MALRD1: variants seen among roughly 807,000 people sequenced by gnomAD.
The protein encoded by MALRD1 is MAM and LDL-receptor class A domain-containing protein 1.
Under a neutral mutation model 242.1 loss-of-function variants are expected in MALRD1, and 247 were observed. The ratio of observed to expected loss-of-function variants is 1.02; its 90% CI spans 0.92 to 1.13. The LOEUF (loss-of-function observed/expected upper bound fraction) is 1.13. Among genes scored for constraint, MALRD1 ranks in the 50% most tolerant of loss-of-function variants. The probability of loss-of-function intolerance (pLI) is 0.00; values close to 1 mark genes in which losing one functional copy is unlikely to be tolerated. For missense variants in MALRD1, 2,989 were observed against 2,533.1 expected, an observed-to-expected ratio of 1.18 and a Z score of -3.86; for synonymous variants, 995 against 866.6, an observed-to-expected ratio of 1.15 and a Z score of -2.60.
chr10:19,727,161 T>C (rs1225761484), intron 38 of MALRD1, among the ~76,000 whole-genome samples: 2 of 152,216 alleles, frequency 1.3e-5, no homozygotes, highest in Admixed American at 1.3e-4. Flanking sequence ...CATTGAATTG[T>C]GTACTTTAAG....
At chr10:19,597,797 C>G (rs141430215) in intron 34 of MALRD1, among the ~76,000 whole-genome samples, 1 of 152,148 alleles carries the variant, frequency 6.6e-6, no homozygotes, top group African/African-American at 2.4e-5. Flanking sequence ...AGGGAACTCT[C>G]TATGGTGCTA....
rs115695097 is a variant in MALRD1, at chr10:19,641,798, A to C, written c.6137+25875A>C. The stretch of plus-strand genomic sequence containing the variant: ...ATTTAATTACAAGTGTATTTTACAA[A>C]ATATTTCCCAGTCACTAGACATGGC... On this transcript the variant is annotated intron_variant, in intron 36 of 39. Coordinates refer to ENST00000454679, the MANE Select transcript of MALRD1 (RefSeq NM_001142308.3). Among the ~76,000 whole-genome samples, 1,429 of 152,264 alleles carry C rather than the reference A, an allele frequency of 9.4e-3. 19 individuals are homozygous for C. Among genetic ancestry groups the C allele is most frequent in the African/African-American group, 0.032 (1,342 of 41,564 alleles).
At chr10:19,414,237 C>T (rs1054127824) in intron 28 of MALRD1, among the ~76,000 whole-genome samples, 1 of 152,032 alleles carries the variant, frequency 6.6e-6, no homozygotes, top group African/African-American at 2.4e-5. Flanking sequence ...ATGGAACACA[C>T]TAGAGGGGGG....
intron 1 of MALRD1, among the ~76,000 whole-genome samples, chr10:19,062,698 A>T (rs1462625120): frequency 6.6e-6 from 1 of 152,212 alleles, no homozygotes; most frequent in African/African-American, 2.4e-5. Context: ...TCATAGAGAC[A>T]GAAGGTAGAA....
chr10:19,405,894 G>A (rs1021788839), intron 28 of MALRD1, among the ~76,000 whole-genome samples: 1 of 151,604 alleles, frequency 6.6e-6, no homozygotes, highest in Admixed American at 6.6e-5. Flanking sequence ...GATGAAGACC[G>A]TTTGACCTAT....
intron 29 of MALRD1, among the ~76,000 whole-genome samples, chr10:19,489,709 A>G (rs1286905957): frequency 6.6e-6 from 1 of 152,146 alleles, no homozygotes; most frequent in Non-Finnish European, 1.5e-5. Context: ...TAGTTTTTAT[A>G]TCCTATAATA....
At chr10:19,499,297 A>G (rs1468652609) in intron 31 of MALRD1, among the ~76,000 whole-genome samples, 12 of 152,138 alleles carry the variant, frequency 7.9e-5, no homozygotes, top group Admixed American at 7.9e-4. Flanking sequence ...ATTAGGGATA[A>G]AAAAATATCT....
chr10:19,363,917 C>A (rs1200731442), intron 26 of MALRD1, among the ~76,000 whole-genome samples: 5 of 151,940 alleles, frequency 3.3e-5, no homozygotes, highest in Non-Finnish European at 7.4e-5. Context: ...TAATATGCAA[C>A]CAGGGTGGAA....
chr10:19,264,108 C>A (rs1839873281), intron 19 of MALRD1, among the ~76,000 whole-genome samples: 2 of 152,240 alleles, frequency 1.3e-5, no homozygotes, highest in East Asian at 3.9e-4. Context: ...AGCATTTCTT[C>A]TATTCCTAAT....
intron 36 of MALRD1, among the ~76,000 whole-genome samples, chr10:19,667,485 G>T (rs987794675): frequency 6.6e-6 from 1 of 152,088 alleles, no homozygotes; most frequent in Non-Finnish European, 1.5e-5. Flanking sequence ...GGGGCCTGGT[G>T]GGAGGTGTTT....
chr10:19,553,475 G>T (rs1039449692), intron 32 of MALRD1, among the ~76,000 whole-genome samples: 1 of 151,640 alleles, frequency 6.6e-6, no homozygotes, highest in African/African-American at 2.4e-5. Flanking sequence ...CATTTCAACA[G>T]CTTGTACTGT....
intron 29 of MALRD1, among the ~76,000 whole-genome samples, chr10:19,475,744 A>T (rs114521027): frequency 1.6e-3 from 240 of 152,310 alleles, no homozygotes; most frequent in African/African-American, 5.5e-3. Flanking sequence ...TTGCACATAA[A>T]TTGAACATTA....
intron 29 of MALRD1, chr10:19,489,228 A>T (rs1837373834): frequency 4.2e-6 from 2 of 476,272 alleles, no homozygotes; most frequent in South Asian, 3.0e-5. Context: ...GCAGCGAAGG[A>T]TACATCTTAA....
intron 18 of MALRD1, among the ~76,000 whole-genome samples, chr10:19,255,349 A>G (rs1039496422): frequency 1.3e-5 from 2 of 151,790 alleles, no homozygotes; most frequent in Non-Finnish European, 2.9e-5. Context: ...ATAATCTTCT[A>G]TTCGTTCTCG....
intron 38 of MALRD1, among the ~76,000 whole-genome samples, chr10:19,725,157 C>T (rs1266492138): frequency 6.6e-6 from 1 of 152,138 alleles, no homozygotes; most frequent in Non-Finnish European, 1.5e-5. Flanking sequence ...ACTAAAGCAA[C>T]TCATATGGTT....
chr10:19,604,731 C>T (rs1440865954), intron 34 of MALRD1, among the ~76,000 whole-genome samples: 2 of 152,132 alleles, frequency 1.3e-5, no homozygotes, highest in East Asian at 3.9e-4. Context: ...CCTGGCTTAA[C>T]TAAAAACTAA....
chr10:19,146,020 C>T (rs889143534), intron 10 of MALRD1, among the ~76,000 whole-genome samples, 178 bp from the exon 11 acceptor site: 2 of 152,154 alleles, frequency 1.3e-5, no homozygotes, highest in African/African-American at 4.8e-5. Flanking sequence ...ATGCCTCACA[C>T]AGCACCTGAG....
rs2131940772 is a variant in MALRD1, at chr10:19,730,695, T to C, written c.6315-11T>C. 6.5e-7 allele frequency: 1 copy of C among 1,536,530 alleles called. No homozygotes were observed. Among genetic ancestry groups the C allele is most frequent in the Non-Finnish European group, 8.7e-7 (1 of 1,146,918 alleles). On this transcript the variant is annotated splice_polypyrimidine_tract_variant and intron_variant, in intron 38 of 39. Coordinates refer to ENST00000454679, the MANE Select transcript of MALRD1 (RefSeq NM_001142308.3). ...TAGTTTTTTATTTTTGATGGCCCTG[T>C]GTGCTTTAAGGAAAACCGAGGGAAG...
intron 36 of MALRD1, among the ~76,000 whole-genome samples, chr10:19,648,878 C>T (rs1840755167): frequency 6.6e-6 from 1 of 152,092 alleles, no homozygotes; most frequent in South Asian, 2.1e-4. Flanking sequence ...ATCTTTCCTG[C>T]TCCCCTCCCT....
Sources: allele counts gnomAD v4.1 joint callset (sites outside exome capture counted in the v4.1 genomes callset), GRCh38; gene constraint gnomAD v4.1.1; transcripts MANE v1.5; gene names NCBI Gene and HGNC (gene_info 2026-07-23, HGNC 2026-07-21).